The following COL18A1 variants were observed in gnomAD, a reference collection of about 807,000 sequenced individuals.
The protein encoded by COL18A1 is collagen type XVIII alpha 1 chain.
COL18A1 carries 133 observed loss-of-function variants against 168.0 expected under a neutral mutation model. That is an observed-to-expected ratio of 0.79 (90% CI 0.69 to 0.91). The LOEUF (loss-of-function observed/expected upper bound fraction) is 0.91, where lower values mean the gene tolerates loss of function less well. Among genes scored for constraint, COL18A1 ranks in the 40% least tolerant of loss-of-function variants. The pLI is 0.00. For missense variants in COL18A1, 2,126 were observed against 1,925.4 expected (o/e 1.10, Z -1.95); for synonymous variants, 949 against 809.0 (o/e 1.17, Z -2.94).
intron 2 of COL18A1, among the ~76,000 whole-genome samples, chr21:45,451,901 C>G (rs1289080450): frequency 1.3e-5 from 2 of 152,214 alleles, no homozygotes; most frequent in African/African-American, 4.8e-5. Flanking sequence ...CATGGGCCTC[C>G]CAGCCGCCCC....
At chr21:45,490,751 A>G (rs1451972265) in intron 20 of COL18A1, 85 bp from the exon 21 acceptor site, 1 of 1,403,014 alleles carries the variant, frequency 7.1e-7, no homozygotes, top group African/African-American at 1.4e-5. Context: ...AAAGAACCCC[A>G]CATCTTCATC....
chr21:45,412,233 A>ATT (rs1285919162), intron 2 of COL18A1, among the ~76,000 whole-genome samples: 7 of 96,150 alleles, frequency 7.3e-5, no homozygotes, highest in South Asian at 3.9e-4. Context: ...CTGGGGGTAT[A>ATT]TTTCTTTTTT....
chr21:45,451,207 C>T (rs1363670330), intron 2 of COL18A1, among the ~76,000 whole-genome samples: 12 of 152,228 alleles, frequency 7.9e-5, no homozygotes. Context: ...GGCCAGATGG[C>T]CGGCCAGCGG....
chr21:45,442,830 G>A (rs995954871), intron 2 of COL18A1, among the ~76,000 whole-genome samples: 1 of 147,666 alleles, frequency 6.8e-6, no homozygotes, highest in Non-Finnish European at 1.5e-5. Flanking sequence ...TCCTGGTGTG[G>A]GCGGCGGTCC....
chr21:45,427,293 C>T (rs572509472), intron 2 of COL18A1, among the ~76,000 whole-genome samples: 43 of 152,278 alleles, frequency 2.8e-4, no homozygotes, highest in Non-Finnish European at 1.5e-5. Context: ...GCCAGTGGCC[C>T]CTGGAGGCTT....
At chr21:45,452,216 TC>T (rs1760078604) in intron 2 of COL18A1, among the ~76,000 whole-genome samples, 1 of 152,228 alleles carries the variant, frequency 6.6e-6, no homozygotes, top group Non-Finnish European at 1.5e-5. Flanking sequence ...GAGGCCTGGA[TC>T]CCTGGCCATG....
Position 45,477,957 on chromosome 21 carries a change from G to C in COL18A1, c.1213G>C (p.Gly405Arg). 6.6e-7 allele frequency: 1 copy of C among 1,519,510 alleles called. No homozygotes were observed. The highest frequency in any genetic ancestry group is 8.9e-7 in the Non-Finnish European group (1 of 1,118,344). The allele number at this position is 1,519,510 out of a possible 1,614,324, so 94.1% of individuals were successfully genotyped here. The change falls in exon 8 of 42, where the codon GGC becomes CGC. Residue 405 changes from glycine (G) to arginine (R), a missense_variant. Coordinates refer to ENST00000651438, the MANE Select transcript of COL18A1 (RefSeq NM_001379500.1). ...GAGGGACGGCACCCCTGGAAGGGACGGCGAGCCGGTGAGTCCTCACGTCCC... is the reference window on the plus strand; with the variant it reads ...GAGGGACGGCACCCCTGGAAGGGACCGCGAGCCGGTGAGTCCTCACGTCCC... ...PGRDGTPGRD[G>R]EPGDPGEDGK...
At position 45,481,822 on chromosome 21, in the gene COL18A1, C is replaced by T. The variant is rs561910434; in HGVS notation, c.1612-141C>T. On this transcript the variant is annotated intron_variant, in intron 13 of 41. Transcript: ENST00000651438. ...CAGGCTGTGGGGTCTCCCGTGAGCC[C>T]TGGGACTCTGGCCCTGTGTCTGGGG... 6.5e-4 allele frequency: 471 copies of T among 721,678 alleles called. 10 individuals carry two copies. Among genetic ancestry groups the T allele is most frequent in the South Asian group, 5.7e-3 (385 of 67,108 alleles). 44.7% of individuals were successfully genotyped at this position (721,678 alleles called of 1,614,324 possible). A position where few individuals can be genotyped will look rare whatever the true frequency, so the allele number is the denominator to read the frequency against.
chr21:45,482,759 T>C, intron 14 of COL18A1, 36 bp from the exon 15 acceptor site: 5 of 1,614,182 alleles, frequency 3.1e-6, no homozygotes, highest in Non-Finnish European at 4.2e-6. Context: ...GTGCTGCAAG[T>C]CTGATTTTGT....
intron 2 of COL18A1, chr21:45,408,123 G>T (rs2123493550): frequency 6.6e-6 from 1 of 152,376 alleles, no homozygotes; most frequent in African/African-American, 2.4e-5. Flanking sequence ...CAGAGCAGGG[G>T]AAGTCCTCTG....
In COL18A1 at chr21:45,504,019, C is replaced by T. The variant is rs762255278; in HGVS notation, c.2692C>T (p.Pro898Ser). ...VGPPGPPGQFPFDFLQLEAEM... is the reference protein window; with the variant it reads ...VGPPGPPGQFSFDFLQLEAEM... Reference sequence around the variant, plus strand: ...CTGTCTCTCTCTTGCAGGGCAGTTTCCGTTTGACTTTCTTCAGTTGGAGGC... The same window carrying T: ...CTGTCTCTCTCTTGCAGGGCAGTTTTCGTTTGACTTTCTTCAGTTGGAGGC... The change falls in exon 33 of 42, where the codon CCG (proline) becomes TCG (serine). Residue 898 changes from proline to serine, a missense_variant. Pro to Ser is a moderately conservative substitution (Grantham distance 74, BLOSUM62 -1). Transcript: ENST00000651438. The T allele has an allele frequency of 1.9e-6, 3 of 1,613,694 alleles. No individual in the cohort carries two copies. The highest frequency in any genetic ancestry group is 2.5e-6 in the Non-Finnish European group (3 of 1,179,990).
intron 30 of COL18A1, among the ~76,000 whole-genome samples, chr21:45,496,847 G>T (rs574460005): frequency 2.6e-5 from 4 of 152,340 alleles, no homozygotes; most frequent in African/African-American, 9.6e-5. Flanking sequence ...GCTCAGCAAG[G>T]TGAAGTGACC....
intron 39 of COL18A1, 108 bp from the exon 40 acceptor site, chr21:45,509,956 C>G: frequency 7.6e-7 from 1 of 1,307,364 alleles, no homozygotes. Context: ...GCTCAGCGCC[C>G]CTCGGCCGTG....
chr21:45,487,183 G>A (rs1455205250), intron 16 of COL18A1, among the ~76,000 whole-genome samples, 191 bp downstream of exon 16: 4 of 152,206 alleles, frequency 2.6e-5, no homozygotes, highest in Non-Finnish European at 5.9e-5. Context: ...GCCCCACGGT[G>A]CTGATGGGGA....
rs1401049543 is a variant in COL18A1, at chr21:45,480,090, G to A, written c.1332G>A (p.Glu444=). 6.2e-7 allele frequency: 1 copy of A among 1,609,950 alleles called. No homozygotes were observed. Among genetic ancestry groups the A allele is most frequent in the East Asian group, 2.2e-5 (1 of 44,828 alleles). Residue 444 remains glutamate, a synonymous_variant, in exon 11 of 42, where the codon GAG becomes GAA. Transcript: ENST00000651438. ...KGDKGDPGVG[E]RGPPGPQGPP... ...CCCAGGGAGACCCTGGGGTTGGAGAGAGAGGGCCCCCAGGACCCCAAGGGC... is the reference window on the plus strand; with the variant it reads ...CCCAGGGAGACCCTGGGGTTGGAGAAAGAGGGCCCCCAGGACCCCAAGGGC...
intron 19 of COL18A1, 136 bp downstream of exon 19, chr21:45,489,657 G>A (rs927828811): frequency 1.1e-5 from 7 of 656,258 alleles, no homozygotes; most frequent in African/African-American, 3.7e-5. Context: ...AATTGAAGAC[G>A]TGCTGGTTTC....
Position 45,509,334 on chromosome 21 carries a change from G to GC in COL18A1, c.3250-18dup, listed in dbSNP as rs1489360591. On this transcript the variant is annotated intron_variant, in intron 38 of 41. Transcript: ENST00000651438. ...ACCCGGAGGGTCCCCCCGCCGACAG[G>GC]CCCCACGTCTCCCACCTGCAGGACA... 17 of 1,542,276 alleles carry GC rather than the reference G, an allele frequency of 1.1e-5. No individual in the cohort carries two copies. The South Asian group carries it at 1.9e-4, about 17-fold the overall frequency.
chr21:45,485,180 T>TTTTTTTTTTTC (rs2036067199), intron 15 of COL18A1, among the ~76,000 whole-genome samples: 1 of 134,108 alleles, frequency 7.5e-6, no homozygotes, highest in Non-Finnish European at 1.6e-5. Context: ...TTTTTTTTTT[T>TTTTTTTTTTTC]AGTAGAGGCA....
chr21:45,512,299 G>A lies in COL18A1; in HGVS notation c.3921G>A (p.Ser1307=), dbSNP rs751990845. The A allele has an allele frequency of 5.2e-5, 84 of 1,612,244 alleles. No individual in the cohort carries two copies. Among genetic ancestry groups the A allele is most frequent in the Middle Eastern group, 1.7e-4 (1 of 6,058 alleles). The change falls in exon 42 of 42, where the codon TCG becomes TCA. Residue 1307 remains serine (S), a synonymous_variant. Transcript: ENST00000651438. ...CCTCGGCCACGGGCCAGGCCTCCTC[G>A]CTGCTGGGGGGCAGGCTCCTGGGGC... is the stretch of plus-strand genomic sequence containing the variant. ...EAPSATGQAS[S]LLGGRLLGQS...
Sources: allele counts gnomAD v4.1 joint callset (sites outside exome capture counted in the v4.1 genomes callset), GRCh38; gene constraint gnomAD v4.1.1; transcripts MANE v1.5; gene names NCBI Gene and HGNC (gene_info 2026-07-23, HGNC 2026-07-21).